The following AMMECR1 variants were observed in gnomAD, a reference collection of about 807,000 sequenced individuals.
The protein encoded by AMMECR1 is nuclear protein AMMECR1.
A neutral mutation model predicts 22.5 loss-of-function variants in AMMECR1; 3 were observed. That is an observed-to-expected ratio of 0.13 (90% confidence interval 0.06 to 0.35). AMMECR1 has a LOEUF of 0.35. AMMECR1 is among the 10% of genes least tolerant of loss of function. AMMECR1 has a pLI of 1.00. For missense variants in AMMECR1, 235 were observed against 278.7 expected (o/e 0.84, Z 1.12); for synonymous variants, 130 against 116.7 (o/e 1.11, Z -0.74).
chrX:110,276,895 T>C (rs2067828785), intron 1 of AMMECR1, among the ~76,000 whole-genome samples: 1 of 111,033 alleles, frequency 9.0e-6, no homozygotes, highest in African/African-American at 3.3e-5. Context: ...TATCTCTGTC[T>C]CACCAATTCA....
intron 2 of AMMECR1, among the ~76,000 whole-genome samples, chrX:110,253,987 C>T (rs1314791768): frequency 9.0e-6 from 1 of 111,323 alleles, no homozygotes; most frequent in Non-Finnish European, 1.9e-5. Flanking sequence ...AGTTATTCAC[C>T]TCACCGTTAA....
intron 2 of AMMECR1, among the ~76,000 whole-genome samples, chrX:110,247,691 C>CAAA (rs761139091): frequency 2.3e-5 from 2 of 88,773 alleles, no homozygotes; most frequent in African/African-American, 8.2e-5. Flanking sequence ...AACCCTGTCT[C>CAAA]AAAAAAAAAA....
chrX:110,206,915 T>C lies in AMMECR1; in HGVS notation c.700-4379A>G, dbSNP rs188908003. ...TATCAGGAGGTCAAAGAATCGAAAG[T>C]TGTTTGACATGTCTTTTTGGATGAA... On this transcript the variant is annotated intron_variant, in intron 3 of 5. Coordinates refer to ENST00000262844, the MANE Select transcript of AMMECR1 (RefSeq NM_015365.3). Among the ~76,000 whole-genome samples, 5 of 112,102 alleles carry C rather than the reference T, an allele frequency of 4.5e-5. No individual in the cohort carries two copies. In the East Asian group the frequency reaches 1.4e-3, roughly 31 times the overall value.
At chrX:110,433,697 A>C (rs2068815460) in intron 1 of AMMECR1, among the ~76,000 whole-genome samples, 2 of 111,709 alleles carry the variant, frequency 1.8e-5, no homozygotes, top group Admixed American at 1.9e-4. Flanking sequence ...AGCTTAGGAC[A>C]GTGACACTTT....
intron 2 of AMMECR1, among the ~76,000 whole-genome samples, chrX:110,342,068 A>G (rs2068166626): frequency 9.0e-6 from 1 of 111,206 alleles, no homozygotes; most frequent in African/African-American, 3.3e-5. Flanking sequence ...CATTTTTAAA[A>G]AACAGAAAAA....
At chrX:110,431,892 G>A (rs1239303975) in intron 1 of AMMECR1, among the ~76,000 whole-genome samples, 5 of 111,835 alleles carry the variant, frequency 4.5e-5, no homozygotes, top group African/African-American at 1.6e-4. Flanking sequence ...GGAGTTAGAA[G>A]CATATTAGGT....
chrX:110,283,711 T>G (rs950195892), intron 1 of AMMECR1, among the ~76,000 whole-genome samples: 8 of 112,442 alleles, frequency 7.1e-5, no homozygotes, highest in African/African-American at 1.9e-4. Context: ...AGCATCATCT[T>G]GGAGATTAGA....
Position 110,388,277 on chromosome X carries a change from G to A in AMMECR1, c.-148+38381C>T, listed in dbSNP as rs779368983. 1.1e-4 allele frequency among the ~76,000 whole-genome samples: 12 copies of A among 112,113 alleles called. No homozygotes were observed. The South Asian group carries it at 4.5e-3, about 42-fold the overall frequency. ...GAGCACAATGCTTTGTACTAAATAGGCACTCAGGTGGTATTTGTTATTGAT... is the reference window on the plus strand; with the variant it reads ...GAGCACAATGCTTTGTACTAAATAGACACTCAGGTGGTATTTGTTATTGAT... On this transcript the variant is annotated intron_variant, in intron 2 of 7. Coordinates refer to the AMMECR1 transcript ENST00000372057.
intron 2 of AMMECR1, among the ~76,000 whole-genome samples, chrX:110,418,857 C>T (rs758175259): frequency 1.8e-4 from 20 of 111,571 alleles, no homozygotes; most frequent in Non-Finnish European, 3.6e-4. Flanking sequence ...TCTTTCAGCT[C>T]ATCATAAACA....
intron 2 of AMMECR1, among the ~76,000 whole-genome samples, chrX:110,362,395 CAAT>C (rs1383290650): frequency 8.9e-6 from 1 of 112,064 alleles, no homozygotes; most frequent in African/African-American, 3.2e-5. Flanking sequence ...CCTCTAATAA[CAAT>C]AATAACTCAA....
intron 2 of AMMECR1, among the ~76,000 whole-genome samples, chrX:110,416,735 G>T (rs140347862): frequency 8.9e-6 from 1 of 112,008 alleles, no homozygotes; most frequent in East Asian, 2.8e-4. Flanking sequence ...GCTTCTAAGC[G>T]TCCTGTGGGG....
At chrX:110,215,355 A>T (rs2067468445) in intron 3 of AMMECR1, among the ~76,000 whole-genome samples, 1 of 111,747 alleles carries the variant, frequency 8.9e-6, no homozygotes, top group Non-Finnish European at 1.9e-5. Flanking sequence ...TTTTCAAATG[A>T]AGAACCTTAT....
chrX:110,274,607 C>G (rs1434262062), intron 1 of AMMECR1, among the ~76,000 whole-genome samples: 1 of 111,914 alleles, frequency 8.9e-6, no homozygotes, highest in Non-Finnish European at 1.9e-5. Context: ...TTGCTTTTAA[C>G]ATACCTGTGT....
intron 2 of AMMECR1, among the ~76,000 whole-genome samples, chrX:110,233,864 G>A (rs1487782378): frequency 8.9e-6 from 1 of 112,092 alleles, no homozygotes; most frequent in Non-Finnish European, 1.9e-5. Flanking sequence ...CAAACCCACA[G>A]CCAATATCAT....
At chrX:110,211,518 A>G (rs987566610) in intron 3 of AMMECR1, among the ~76,000 whole-genome samples, 10 of 112,219 alleles carry the variant, frequency 8.9e-5, no homozygotes, top group African/African-American at 3.2e-4. Flanking sequence ...AACATGCTGC[A>G]TGAGTTTTTC....
At chrX:110,377,305 C>T (rs2068383556) in intron 2 of AMMECR1, among the ~76,000 whole-genome samples, 1 of 111,623 alleles carries the variant, frequency 9.0e-6, no homozygotes, top group Non-Finnish European at 1.9e-5. Context: ...TATTTGTCCG[C>T]AAACCCCACC....
At chrX:110,262,875 C>A (rs2067748974) in intron 2 of AMMECR1, among the ~76,000 whole-genome samples, 1 of 111,469 alleles carries the variant, frequency 9.0e-6, no homozygotes, top group Non-Finnish European at 1.9e-5. Flanking sequence ...ATAAAAGGGT[C>A]CTGTAGTCAA....
At chrX:110,210,010 G>A (rs988820504) in intron 3 of AMMECR1, among the ~76,000 whole-genome samples, 3 of 111,151 alleles carry the variant, frequency 2.7e-5, no homozygotes, top group African/African-American at 6.5e-5. Context: ...AACATGCTGC[G>A]AGTAAAACTG....
intron 3 of AMMECR1, among the ~76,000 whole-genome samples, chrX:110,214,144 T>A: frequency 9.1e-6 from 1 of 109,676 alleles, no homozygotes; most frequent in Non-Finnish European, 1.9e-5. Flanking sequence ...GCGCCTGTAG[T>A]CCCAGCTACT....
Sources: allele counts gnomAD v4.1 joint callset (sites outside exome capture counted in the v4.1 genomes callset), GRCh38; gene constraint gnomAD v4.1.1; transcripts MANE v1.5; gene names NCBI Gene and HGNC (gene_info 2026-07-23, HGNC 2026-07-21).